NIBAN2: variants seen among roughly 807,000 people sequenced by gnomAD.
NIBAN2 encodes the protein niban apoptosis regulator 2, also known as protein Niban 2.
NIBAN2 carries 36 observed loss-of-function variants against 81.8 expected under a neutral mutation model. That is an observed-to-expected ratio of 0.44 (90% CI 0.34 to 0.58). The LOEUF (loss-of-function observed/expected upper bound fraction) is 0.58, where lower values mean the gene tolerates loss of function less well. Ranked by LOEUF, NIBAN2 falls within the 20% of genes least tolerant of loss-of-function variation. The pLI, the probability that NIBAN2 is intolerant of heterozygous loss-of-function variation, is 0.02. For synonymous variants in NIBAN2, 445 were observed against 441.6 expected (o/e 1.01, Z -0.10); for missense variants, 897 against 1,014.1 (o/e 0.88, Z 1.57).
chr9:127,547,390 G>A (rs1236267582), intron 1 of NIBAN2, among the ~76,000 whole-genome samples: 2 of 152,184 alleles, frequency 1.3e-5, no homozygotes, highest in Admixed American at 6.5e-5. Flanking sequence ...GGTGGCGCAT[G>A]CCTATAATCC....
chr9:127,510,467 C>T (rs377613232), intron 8 of NIBAN2, 134 bp from the exon 9 acceptor site: 18 of 539,502 alleles, frequency 3.3e-5, no homozygotes, highest in African/African-American at 2.7e-4. Context: ...GACGGAGTCT[C>T]GCTCTGTCGC....
At chr9:127,529,507 G>GTGGA (rs1837139823) in intron 2 of NIBAN2, among the ~76,000 whole-genome samples, 1 of 152,196 alleles carries the variant, frequency 6.6e-6, no homozygotes, top group South Asian at 2.1e-4. Flanking sequence ...GGGTGTGGTG[G>GTGGA]TGGATGCCTG....
chr9:127,517,761 C>T lies in NIBAN2; in HGVS notation c.705+65G>A. 8.0e-7 allele frequency: 1 copy of T among 1,242,402 alleles called. No individual in the cohort carries two copies. The highest frequency in any genetic ancestry group is 1.2e-6 in the Non-Finnish European group (1 of 858,184). 77.0% of individuals were successfully genotyped at this position (1,242,402 alleles called of 1,614,324 possible). The stretch of plus-strand genomic sequence containing the variant: ...GAGCCCCATCTCTGTACCCCACCCC[C>T]TGCCCTCCCCTGCTGGGTCCTTGGG... On this transcript the variant is annotated intron_variant, in intron 6 of 13. Coordinates refer to ENST00000373312, the MANE Select transcript of NIBAN2 (RefSeq NM_022833.4). The surrounding 1 kb of genome is among the most constrained non-coding windows in gnomAD (Gnocchi z 4.0).
rs1454676347 is a variant in NIBAN2, at chr9:127,509,034, C to T, written c.1259G>A (p.Arg420Gln). Residue 420 changes from arginine (R) to glutamine (Q), a missense_variant, in exon 10 of 14, where the codon CGA becomes CAA. Around this residue, in one of 3 missense-constraint regions of NIBAN2, gnomAD observed 619 missense variants for 691.0 expected, o/e 0.90. Coordinates refer to ENST00000373312, the MANE Select transcript of NIBAN2 (RefSeq NM_022833.4). ...ESLRLDGLQQ[R>Q]FDVSSTSVFK... Reference sequence around the variant, plus strand: ...CACGGACGTGCTGGACACATCAAATCGCTGCTGCAGCCCGTCCAGTCGCAG... The same window carrying T: ...CACGGACGTGCTGGACACATCAAATTGCTGCTGCAGCCCGTCCAGTCGCAG... 3.7e-6 allele frequency: 6 copies of T among 1,613,946 alleles called. No homozygotes were observed. The highest frequency in any genetic ancestry group is 2.2e-5 in the East Asian group (1 of 44,870).
chr9:127,575,220 A>C (rs1302066500), intron 1 of NIBAN2, among the ~76,000 whole-genome samples: 9 of 140,766 alleles, frequency 6.4e-5, no homozygotes, highest in Non-Finnish European at 1.2e-4. Flanking sequence ...CAGCTTATGA[A>C]ATATGGATTC....
chr9:127,515,536 A>AC (rs1836812757), intron 8 of NIBAN2, among the ~76,000 whole-genome samples: 1 of 68,496 alleles, frequency 1.5e-5, no homozygotes, highest in South Asian at 3.4e-4. Flanking sequence ...AAAAAAAAAA[A>AC]AAACAAACAA....
rs1836602342 is a variant in NIBAN2 at position 127,506,705 on chromosome 9, C to T, written c.*140G>A. 2 of 643,788 alleles carry T rather than the reference C, an allele frequency of 3.1e-6. No homozygotes were observed. The highest frequency in any genetic ancestry group is 1.9e-5 in the African/African-American group (1 of 53,402). 39.9% of individuals were successfully genotyped at this position (643,788 alleles called of 1,614,324 possible). A position where few individuals can be genotyped will look rare whatever the true frequency, so the allele number is the denominator to read the frequency against. ...ACCCAATAAAGTGACTCAGGTGGGC[C>T]CGCTCCCTGGCGGTGCCACACAGCC... On this transcript the variant is annotated 3_prime_UTR_variant, in exon 14 of 14. Transcript: ENST00000373312.
chr9:127,551,807 C>T (rs897233594), intron 1 of NIBAN2, among the ~76,000 whole-genome samples: 4 of 152,214 alleles, frequency 2.6e-5, no homozygotes, highest in African/African-American at 9.7e-5. Context: ...AACCACAGCA[C>T]CGATCTCTGG....
At chr9:127,565,944 T>TCACACACACA (rs1220466008) in intron 1 of NIBAN2, among the ~76,000 whole-genome samples, 4 of 110,368 alleles carry the variant, frequency 3.6e-5, no homozygotes, top group African/African-American at 8.9e-5. Context: ...TCTCTCTCTC[T>TCACACACACA]CTCACACACA....
intron 1 of NIBAN2, among the ~76,000 whole-genome samples, chr9:127,550,170 C>A (rs1352105782): frequency 6.6e-6 from 1 of 152,194 alleles, no homozygotes; most frequent in Admixed American, 6.5e-5. Context: ...ACAAGCCCCC[C>A]ACCCTTCCTG....
At chr9:127,567,376 T>C (rs2249110) in intron 1 of NIBAN2, among the ~76,000 whole-genome samples, 87,618 of 152,086 alleles carry the variant, frequency 0.58, 26,273 homozygotes, top group African/African-American at 0.74. Flanking sequence ...CCTGGTCGGA[T>C]AAGGAGGCTT....
At chr9:127,527,167 A>T (rs750921762) in intron 3 of NIBAN2, 27 bp downstream of exon 3, 8 of 1,609,718 alleles carry the variant, frequency 5.0e-6, no homozygotes, top group Non-Finnish European at 6.8e-6. Context: ...GGGGAGGCTC[A>T]GTGTGGCGCC....
chr9:127,507,927 G>A lies in NIBAN2; in HGVS notation c.1594C>T (p.Leu532=). 1 of 1,614,196 alleles carries A rather than the reference G, an allele frequency of 6.2e-7. No individual in the cohort carries two copies. Among genetic ancestry groups the A allele is most frequent in the Non-Finnish European group, 8.5e-7 (1 of 1,180,048 alleles). The change falls in exon 13 of 14, where the codon CTG becomes TTG. Residue 532 remains leucine, a synonymous_variant. Transcript: ENST00000373312. The surrounding 1 kb of genome is among the most constrained non-coding windows in gnomAD (Gnocchi z 6.8). The stretch of plus-strand genomic sequence containing the variant: ...ACCTCCTCGTACGTGTTTTCCACCA[G>A]GATGAACCTGGCAAAGTCCTCGAAG... The part of the protein sequence containing the change: ...LIFEDFARFI[L]VENTYEEVVL...
chr9:127,508,632 CA>C lies in NIBAN2; in HGVS notation c.1318-95del. On this transcript the variant is annotated intron_variant, in intron 10 of 13. Transcript: ENST00000373312. This position sits in a 1 kb window ranked among gnomAD's most constrained non-coding sequence, Gnocchi z 6.4. ...GGGTCCTCATCCTCAACCAGCCCCC[CA>C]CCCCGAGGCCTGCCAGGGAGGAATG... is the stretch of plus-strand genomic sequence containing the variant. 1 of 1,056,212 alleles carries C rather than the reference CA, an allele frequency of 9.5e-7. No homozygotes were observed. The highest frequency in any genetic ancestry group is 1.5e-6 in the Non-Finnish European group (1 of 687,440). The allele number at this position is 1,056,212 out of a possible 1,614,324, so 65.4% of individuals were successfully genotyped here.
intron 1 of NIBAN2, among the ~76,000 whole-genome samples, chr9:127,553,193 T>C (rs1183768394): frequency 6.6e-6 from 1 of 152,268 alleles, no homozygotes; most frequent in East Asian, 1.9e-4. Context: ...GTAACAATAA[T>C]AATAAAAGGT....
rs769655791 is a variant in NIBAN2 at position 127,525,102 on chromosome 9, G to C, written c.377C>G (p.Thr126Arg). ...GAGCTCCAGGTATTGGTCCACGGAC[G>C]TGAGGATTTTGTAGCCTGCACTGTT... is the stretch of plus-strand genomic sequence containing the variant. ...VINSAGYKIL[T>R]SVDQYLELIG... The change falls in exon 4 of 14, where the codon ACG becomes AGG. Residue 126 changes from threonine to arginine, a missense_variant. Thr to Arg is a moderately conservative substitution (Grantham distance 71, BLOSUM62 -1). This residue lies in a region of NIBAN2 where 209 missense variants were observed against 208.4 expected (regional missense o/e 1.00). Coordinates refer to ENST00000373312, the MANE Select transcript of NIBAN2 (RefSeq NM_022833.4). The C allele has an allele frequency of 5.0e-6, 8 of 1,614,074 alleles. No homozygotes were observed. The highest frequency in any genetic ancestry group is 5.9e-6 in the Non-Finnish European group (7 of 1,180,020).
At chr9:127,542,327 C>T (rs1837394760) in intron 1 of NIBAN2, among the ~76,000 whole-genome samples, 1 of 152,124 alleles carries the variant, frequency 6.6e-6, no homozygotes, top group Admixed American at 6.5e-5. Context: ...TCCACCTATT[C>T]CCGCAGCCCA....
chr9:127,549,038 G>A (rs371203195), intron 1 of NIBAN2, among the ~76,000 whole-genome samples: 1 of 152,156 alleles, frequency 6.6e-6, no homozygotes, highest in African/African-American at 2.4e-5. Context: ...GAGTTGGTGT[G>A]AGGACTAAAT....
intron 5 of NIBAN2, among the ~76,000 whole-genome samples, chr9:127,519,185 A>G (rs1472695024): frequency 6.6e-6 from 1 of 151,066 alleles, no homozygotes; most frequent in Non-Finnish European, 1.5e-5. Context: ...AAAAAAAAAA[A>G]AAAAAAAAAA....
Sources: allele counts gnomAD v4.1 joint callset (sites outside exome capture counted in the v4.1 genomes callset), GRCh38; gene constraint gnomAD v4.1.1; regional missense constraint gnomAD v4.1.1; non-coding constraint Gnocchi (gnomAD v3.1); transcripts MANE v1.5; gene names NCBI Gene and HGNC (gene_info 2026-07-23, HGNC 2026-07-21).